The following GRM8 variants were observed in gnomAD, a reference collection of about 807,000 sequenced individuals.
The protein encoded by GRM8 is metabotropic glutamate receptor 8.
In GRM8, 47 loss-of-function variants were observed where a neutral mutation model predicts 87.2. That is an observed-to-expected ratio of 0.54 (90% CI 0.43 to 0.69). The LOEUF is 0.69. Among genes scored for constraint, GRM8 ranks in the 30% least tolerant of loss-of-function variants. The pLI is 0.00. For missense variants in GRM8, 1,019 were observed against 1,139.2 expected (o/e 0.89, Z 1.52); for synonymous variants, 396 against 404.5 (o/e 0.98, Z 0.25).
intron 3 of GRM8, among the ~76,000 whole-genome samples, chr7:127,060,131 A>G (rs1464195237): frequency 6.6e-6 from 1 of 152,242 alleles, no homozygotes; most frequent in Non-Finnish European, 1.5e-5. Flanking sequence ...AAAAGACTTC[A>G]TCTTTCTGAG....
At chr7:126,575,039 T>G (rs989554377) in intron 8 of GRM8, among the ~76,000 whole-genome samples, 2 of 152,092 alleles carry the variant, frequency 1.3e-5, no homozygotes, top group South Asian at 4.1e-4. Flanking sequence ...AGCAACCATA[T>G]ACTATAAGGG....
At chr7:127,188,666 A>T (rs1794863462) in intron 2 of GRM8, among the ~76,000 whole-genome samples, 1 of 152,116 alleles carries the variant, frequency 6.6e-6, no homozygotes, top group African/African-American at 2.4e-5. Context: ...TCCCCAACCA[A>T]TCTATCAAGA....
At chr7:127,068,108 T>A (rs770583646) in intron 3 of GRM8, among the ~76,000 whole-genome samples, 5 of 152,082 alleles carry the variant, frequency 3.3e-5, no homozygotes, top group Non-Finnish European at 5.9e-5. Flanking sequence ...ATTCCTTCCA[T>A]CCCTCGTATT....
intron 9 of GRM8, among the ~76,000 whole-genome samples, chr7:126,489,467 G>A (rs1807752062): frequency 2.0e-5 from 3 of 152,000 alleles, no homozygotes; most frequent in Non-Finnish European, 4.4e-5. Context: ...AGTACTATGT[G>A]TGCACAGATT....
intron 3 of GRM8, among the ~76,000 whole-genome samples, chr7:126,933,766 G>A (rs1806002122): frequency 6.6e-6 from 1 of 152,306 alleles, no homozygotes; most frequent in Non-Finnish European, 1.5e-5. Context: ...TGTCTGTCAT[G>A]TAATATGTGC....
chr7:127,209,512 C>T (rs1412821561), intron 2 of GRM8, among the ~76,000 whole-genome samples: 1 of 152,186 alleles, frequency 6.6e-6, no homozygotes, highest in African/African-American at 2.4e-5. Context: ...AGTCTAAATT[C>T]CACACCTTCA....
intron 2 of GRM8, among the ~76,000 whole-genome samples, chr7:127,140,497 C>T (rs1828205041): frequency 6.6e-6 from 1 of 152,150 alleles, no homozygotes; most frequent in South Asian, 2.1e-4. Context: ...AGGTTACTAT[C>T]AGCCTCAGTG....
At chr7:126,448,234 G>C (rs1485927660) in intron 9 of GRM8, among the ~76,000 whole-genome samples, 1 of 151,836 alleles carries the variant, frequency 6.6e-6, no homozygotes, top group Non-Finnish European at 1.5e-5. Context: ...ACTCTTTCAA[G>C]TCAATTTAGC....
chr7:126,737,776 TA>T (rs1814404338), intron 7 of GRM8, among the ~76,000 whole-genome samples: 1 of 152,046 alleles, frequency 6.6e-6, no homozygotes, highest in Admixed American at 6.6e-5. Context: ...TAAGGTCAAG[TA>T]AGTCATGACT....
At chr7:126,453,357 A>G (rs1003046649) in intron 9 of GRM8, among the ~76,000 whole-genome samples, 2 of 151,794 alleles carry the variant, frequency 1.3e-5, no homozygotes, top group African/African-American at 4.8e-5. Flanking sequence ...GCAGTCACTT[A>G]TCACATCCCC....
intron 2 of GRM8, among the ~76,000 whole-genome samples, chr7:127,178,227 T>C (rs577018281): frequency 4.6e-5 from 7 of 152,186 alleles, no homozygotes; most frequent in South Asian, 2.1e-4. Flanking sequence ...CTCAGCAATA[T>C]AATTGAGCAA....
At chr7:126,439,797 T>C (rs546571098) in intron 10 of GRM8, among the ~76,000 whole-genome samples, 1 of 144,750 alleles carries the variant, frequency 6.9e-6, no homozygotes, top group South Asian at 2.3e-4. Flanking sequence ...GTGATATTGA[T>C]AATCCTGACC....
chr7:126,582,022 T>C (rs1397028092), intron 8 of GRM8, among the ~76,000 whole-genome samples: 1 of 152,140 alleles, frequency 6.6e-6, no homozygotes, highest in Admixed American at 6.6e-5. Flanking sequence ...CTTCTAATTG[T>C]TCAAGTGAAA....
intron 7 of GRM8, among the ~76,000 whole-genome samples, chr7:126,768,929 A>AAAAAAAAAAAAAC (rs1554485622): frequency 4.0e-4 from 56 of 140,370 alleles, no homozygotes; most frequent in African/African-American, 1.5e-3. Flanking sequence ...GAAAAATGCA[A>AAAAAAAAAAAAAC]AAAAAAAAAA....
intron 7 of GRM8, among the ~76,000 whole-genome samples, chr7:126,656,298 C>T (rs144180644): frequency 2.1e-4 from 32 of 152,264 alleles, no homozygotes; most frequent in African/African-American, 6.7e-4. Flanking sequence ...AAAAGCCAGC[C>T]TTGACGGCCT....
At chr7:126,739,469 T>A (rs1410612098) in intron 7 of GRM8, among the ~76,000 whole-genome samples, 1 of 151,942 alleles carries the variant, frequency 6.6e-6, no homozygotes, top group Non-Finnish European at 1.5e-5. Flanking sequence ...AAAGTATAAA[T>A]AAATATGTTA....
chr7:127,173,794 C>A (rs527348437), intron 2 of GRM8, among the ~76,000 whole-genome samples: 1 of 152,252 alleles, frequency 6.6e-6, no homozygotes, highest in African/African-American at 2.4e-5. Context: ...TGCCTTGCAT[C>A]GTCCTAAAGG....
intron 7 of GRM8, among the ~76,000 whole-genome samples, chr7:126,727,248 A>C (rs555687560): frequency 1.3e-5 from 2 of 152,144 alleles, no homozygotes; most frequent in Non-Finnish European, 2.9e-5. Context: ...TGGGTTGGGT[A>C]TGACACATTT....
chr7:126,975,144 G>A (rs147842442), intron 3 of GRM8, among the ~76,000 whole-genome samples: 276 of 152,130 alleles, frequency 1.8e-3, no homozygotes, highest in African/African-American at 6.5e-3. Flanking sequence ...TCCTCTTGGT[G>A]TAAGAGCACC....
Sources: gnomAD v4.1 joint callset for allele counts (sites outside exome capture counted in the v4.1 genomes callset) on GRCh38, gnomAD v4.1.1 for gene constraint, MANE v1.5 for transcripts, NCBI Gene and HGNC (gene_info 2026-07-23, HGNC 2026-07-21) for gene names.